The following DYNC2I1 variants were observed in gnomAD, a reference collection of about 807,000 sequenced individuals.
DYNC2I1 encodes the protein dynein 2 intermediate chain 1, also known as cytoplasmic dynein 2 intermediate chain 1.
A neutral mutation model predicts 133.4 loss-of-function variants in DYNC2I1; 89 were observed. That is an observed-to-expected ratio of 0.67 (90% CI 0.56 to 0.80). The LOEUF (loss-of-function observed/expected upper bound fraction) is 0.80, where lower values mean the gene tolerates loss of function less well. Ranked by LOEUF, DYNC2I1 falls within the 30% of genes least tolerant of loss-of-function variation. DYNC2I1 has a pLI of 0.00. For synonymous variants in DYNC2I1, 504 were observed against 484.3 expected (o/e 1.04, Z -0.54); for missense variants, 1,291 against 1,314.5 (o/e 0.98, Z 0.28).
chr7:158,921,033 TC>T (rs1849022920), intron 15 of DYNC2I1, among the ~76,000 whole-genome samples: 1 of 152,218 alleles, frequency 6.6e-6, no homozygotes, highest in African/African-American at 2.4e-5. Flanking sequence ...GAGCTGCAGT[TC>T]AGCAGTGAGT....
At chr7:158,910,416 G>A (rs970903681) in intron 11 of DYNC2I1, among the ~76,000 whole-genome samples, 6 of 92,182 alleles carry the variant, frequency 6.5e-5, no homozygotes, top group African/African-American at 2.7e-4. Flanking sequence ...GTGGGAGCGC[G>A]ATTGGCTGTG....
intron 4 of DYNC2I1, among the ~76,000 whole-genome samples, chr7:158,954,696 T>C (rs575182840): frequency 6.6e-6 from 1 of 152,228 alleles, no homozygotes; most frequent in Non-Finnish European, 1.5e-5. Flanking sequence ...TATTTATATA[T>C]TGAAGACAAC....
At chr7:158,915,662 C>CATT (rs573107673) in intron 14 of DYNC2I1, among the ~76,000 whole-genome samples, 47 of 118,384 alleles carry the variant, frequency 4.0e-4, no homozygotes, top group African/African-American at 1.5e-3. Context: ...CGGTGGTTGA[C>CATT]ATTAAGGATG....
At chr7:158,869,524 G>T (rs775513218) in intron 1 of DYNC2I1, 2 of 486,146 alleles carry the variant, frequency 4.1e-6, no homozygotes, top group Non-Finnish European at 8.4e-6. Flanking sequence ...GGAAAATACA[G>T]TCTGACACAA....
chr7:158,941,596 A>G (rs1163636124), intron 23 of DYNC2I1, among the ~76,000 whole-genome samples: 1 of 149,574 alleles, frequency 6.7e-6, no homozygotes, highest in Non-Finnish European at 1.5e-5. Context: ...AAAAACAAAA[A>G]AGAGGCTGGG....
downstream of DYNC2I1, among the ~76,000 whole-genome samples, chr7:158,947,919 G>A (rs1340006901): frequency 1.3e-5 from 2 of 152,242 alleles, no homozygotes; most frequent in Non-Finnish European, 2.9e-5. Context: ...CCTTGAATGT[G>A]TCCTTCCCAG....
intron 7 of DYNC2I1, among the ~76,000 whole-genome samples, chr7:158,889,967 C>G (rs1298243459): frequency 7.0e-6 from 1 of 142,078 alleles, no homozygotes; most frequent in Non-Finnish European, 1.5e-5. Context: ...GATCGTGTCA[C>G]TGCACTCCAA....
intron 1 of DYNC2I1, among the ~76,000 whole-genome samples, chr7:158,859,435 C>CT (rs1841674479): frequency 6.6e-6 from 1 of 152,032 alleles, no homozygotes; most frequent in Non-Finnish European, 1.5e-5. Flanking sequence ...TGTTATAGAT[C>CT]TTTTTTCATT....
At chr7:158,868,305 G>C (rs1584963878) in intron 1 of DYNC2I1, among the ~76,000 whole-genome samples, 1 of 152,204 alleles carries the variant, frequency 6.6e-6, no homozygotes, top group African/African-American at 2.4e-5. Flanking sequence ...GGCACGCACA[G>C]TGTGGATTCT....
At chr7:158,922,637 G>A in intron 16 of DYNC2I1, 88 bp downstream of exon 16, 4 of 1,328,280 alleles carry the variant, frequency 3.0e-6, no homozygotes, top group Non-Finnish European at 3.1e-6. Flanking sequence ...GTCACGGAGA[G>A]AGGTGCAGGG....
At chr7:158,915,961 G>A (rs1389066412) in intron 14 of DYNC2I1, among the ~76,000 whole-genome samples, 2 of 126,256 alleles carry the variant, frequency 1.6e-5, no homozygotes, top group African/African-American at 6.3e-5. Context: ...TGACACAGTG[G>A]TTGACATTAA....
At chr7:158,847,538 G>A in the DYNC2I1 span, among the ~76,000 whole-genome samples, 2 of 152,104 alleles carry the variant, frequency 1.3e-5, no homozygotes, top group Non-Finnish European at 2.9e-5. Flanking sequence ...TGTTCCTGAA[G>A]GTAAAAGCTA....
At chr7:158,944,799 C>T (rs929496478) in intron 24 of DYNC2I1, among the ~76,000 whole-genome samples, 6 of 152,162 alleles carry the variant, frequency 3.9e-5, no homozygotes, top group African/African-American at 4.8e-5. Context: ...GAAGCAAAGA[C>T]GGGCAGGGAG....
intron 20 of DYNC2I1, 82 bp downstream of exon 20, chr7:158,927,125 C>T: frequency 1.0e-6 from 1 of 975,460 alleles, no homozygotes. Flanking sequence ...CGGTCAGGTG[C>T]AGTGGCTCAC....
At chr7:158,953,156 G>C (rs1852105183) in intron 4 of DYNC2I1, among the ~76,000 whole-genome samples, 1 of 126,356 alleles carries the variant, frequency 7.9e-6, no homozygotes, top group African/African-American at 2.9e-5. Context: ...ACACTGAGCT[G>C]ACCCACATGT....
intron 11 of DYNC2I1, among the ~76,000 whole-genome samples, chr7:158,907,914 G>T (rs2129484211): frequency 6.6e-6 from 1 of 152,084 alleles, no homozygotes; most frequent in Non-Finnish European, 1.5e-5. Context: ...TGCCCGGCTG[G>T]TAATCTAGTA....
intron 2 of DYNC2I1, 69 bp downstream of exon 2, chr7:158,869,977 C>T (rs1221009996): frequency 3.4e-5 from 46 of 1,366,286 alleles, no homozygotes; most frequent in Non-Finnish European, 5.2e-6. Flanking sequence ...CCTGCTTTAC[C>T]TGGTACACAA....
the DYNC2I1 span, among the ~76,000 whole-genome samples, chr7:158,848,632 T>C: frequency 6.6e-6 from 1 of 152,066 alleles, no homozygotes; most frequent in Non-Finnish European, 1.5e-5. Context: ...CATCAAAAAT[T>C]GGGTGGACCA....
Position 158,856,691 on chromosome 7 carries a change from G to A in DYNC2I1, c.-45G>A. 4 of 1,232,366 alleles carry A rather than the reference G, an allele frequency of 3.2e-6. No homozygotes were observed. Among genetic ancestry groups the A allele is most frequent in the Non-Finnish European group, 4.1e-6 (4 of 986,964 alleles). 76.3% of individuals were successfully genotyped at this position (1,232,366 alleles called of 1,614,324 possible). A position where few individuals can be genotyped will look rare whatever the true frequency, so the allele number is the denominator to read the frequency against. The stretch of plus-strand genomic sequence containing the variant: ...GGCCTCTTCGGGGTGGACCGCGCCT[G>A]GCCGGGGCCGAGGACACCGCGGCCG... On this transcript the variant is annotated 5_prime_UTR_variant, in exon 1 of 25. Transcript: ENST00000407559.
Sources: gnomAD v4.1 joint callset for allele counts (sites outside exome capture counted in the v4.1 genomes callset) on GRCh38, gnomAD v4.1.1 for gene constraint, MANE v1.5 for transcripts, NCBI Gene and HGNC (gene_info 2026-07-23, HGNC 2026-07-21) for gene names.